The following RBFOX1 variants were observed in gnomAD, a reference collection of about 807,000 sequenced individuals.
RBFOX1 encodes the protein RNA binding protein fox-1 homolog 1.
A neutral mutation model predicts 57.7 loss-of-function variants in RBFOX1; 8 were observed. That is an observed-to-expected ratio of 0.14 (90% CI 0.08 to 0.25). The LOEUF (loss-of-function observed/expected upper bound fraction) is 0.25, where lower values mean the gene tolerates loss of function less well. Ranked by LOEUF, RBFOX1 falls within the 10% of genes least tolerant of loss-of-function variation. The pLI is 1.00. For synonymous variants in RBFOX1, 326 were observed against 222.4 expected, an observed-to-expected ratio of 1.47 and a Z score of -4.15; for missense variants, 611 against 548.5, an observed-to-expected ratio of 1.11 and a Z score of -1.14.
chr16:6,837,271 T>A (rs2093167946), intron 3 of RBFOX1, among the ~76,000 whole-genome samples: 1 of 152,230 alleles, frequency 6.6e-6, no homozygotes, highest in South Asian at 2.1e-4. Flanking sequence ...AGCGTGCTGC[T>A]AGTCTGTTCC....
At chr16:7,236,841 AG>A (rs1357575557) in intron 4 of RBFOX1, among the ~76,000 whole-genome samples, 6 of 152,170 alleles carry the variant, frequency 3.9e-5, no homozygotes, top group Non-Finnish European at 8.8e-5. Flanking sequence ...AGCAAAGACT[AG>A]GTTCACTGGA....
intron 1 of RBFOX1, among the ~76,000 whole-genome samples, chr16:6,313,628 C>G (rs1283594165): frequency 6.6e-6 from 1 of 152,120 alleles, no homozygotes; most frequent in African/African-American, 2.4e-5. Context: ...AATGCATGAA[C>G]TGAGCATTCA....
chr16:7,596,600 C>T lies in RBFOX1; in HGVS notation c.562-771C>T, dbSNP rs916810268. Among the ~76,000 whole-genome samples the T allele has an allele frequency of 5.9e-5, 9 of 151,602 alleles. No homozygotes were observed. The East Asian group carries it at 9.7e-4, about 16-fold the overall frequency. On this transcript the variant is annotated intron_variant, in intron 8 of 15. Transcript: ENST00000550418. ...TATCTATATACATATATATATATAC[C>T]ACGTGAATTTTTTTGACTTGTCGTA... is the stretch of plus-strand genomic sequence containing the variant.
chr16:7,152,822 C>T (rs1315694142), intron 4 of RBFOX1, among the ~76,000 whole-genome samples: 1 of 152,030 alleles, frequency 6.6e-6, no homozygotes, highest in Non-Finnish European at 1.5e-5. Context: ...CTAGAAGAGA[C>T]AATGGAAGGT....
At chr16:6,080,149 G>C (rs1345227732) in intron 1 of RBFOX1, among the ~76,000 whole-genome samples, 1 of 152,200 alleles carries the variant, frequency 6.6e-6, no homozygotes, top group African/African-American at 2.4e-5. Flanking sequence ...TTGATGGGGA[G>C]AGGCAAGGAG....
chr16:6,833,615 C>T (rs574904177), intron 3 of RBFOX1, among the ~76,000 whole-genome samples: 5 of 152,228 alleles, frequency 3.3e-5, no homozygotes, highest in Non-Finnish European at 7.3e-5. Context: ...GTTAAAGTTA[C>T]ATGTCACAGG....
intron 1 of RBFOX1, among the ~76,000 whole-genome samples, chr16:6,030,314 G>A (rs2095270209): frequency 6.6e-6 from 1 of 152,152 alleles, no homozygotes; most frequent in South Asian, 2.1e-4. Context: ...GTTCTGATTG[G>A]TATTTATGTA....
chr16:6,697,242 G>C (rs2061190850), intron 3 of RBFOX1, among the ~76,000 whole-genome samples: 1 of 152,094 alleles, frequency 6.6e-6, no homozygotes, highest in Admixed American at 6.6e-5. Flanking sequence ...TGCAGTAGTG[G>C]ACCAGGTTTT....
At chr16:7,249,598 C>CT (rs935873011) in intron 4 of RBFOX1, among the ~76,000 whole-genome samples, 1 of 132,378 alleles carries the variant, frequency 7.6e-6, no homozygotes, top group Non-Finnish European at 1.6e-5. Flanking sequence ...AGGCTTCTTT[C>CT]TTTAAAAAAA....
intron 4 of RBFOX1, among the ~76,000 whole-genome samples, chr16:5,943,406 G>A (rs1004911263): frequency 6.6e-6 from 1 of 152,140 alleles, no homozygotes; most frequent in Non-Finnish European, 1.5e-5. Context: ...ATACCCAGGT[G>A]CTCGTTTAAG....
At chr16:7,488,607 C>T (rs555300676) in intron 4 of RBFOX1, among the ~76,000 whole-genome samples, 3 of 152,182 alleles carry the variant, frequency 2.0e-5, no homozygotes, top group South Asian at 4.1e-4. Flanking sequence ...TACGTTCATC[C>T]GTTACACACC....
chr16:7,696,775 C>A (rs1030292117), intron 14 of RBFOX1, among the ~76,000 whole-genome samples: 1 of 152,080 alleles, frequency 6.6e-6, no homozygotes, highest in African/African-American at 2.4e-5. Flanking sequence ...AAGTAAGGTG[C>A]AATGCTATTT....
At chr16:6,894,970 C>G (rs543327440) in intron 3 of RBFOX1, among the ~76,000 whole-genome samples, 1 of 152,230 alleles carries the variant, frequency 6.6e-6, no homozygotes, top group African/African-American at 2.4e-5. Context: ...ATACACCCTT[C>G]CAGAACTAAC....
At chr16:7,076,311 C>T (rs1236872427) in intron 4 of RBFOX1, among the ~76,000 whole-genome samples, 1 of 152,018 alleles carries the variant, frequency 6.6e-6, no homozygotes, top group African/African-American at 2.4e-5. Flanking sequence ...GGATTTCAGG[C>T]GTGAACCACC....
At chr16:7,660,276 C>A (rs6501008) in intron 12 of RBFOX1, among the ~76,000 whole-genome samples, 3 of 152,220 alleles carry the variant, frequency 2.0e-5, no homozygotes, top group African/African-American at 7.2e-5. Context: ...TGCAAAAGCA[C>A]ATTGAGTCCC....
intron 1 of RBFOX1, among the ~76,000 whole-genome samples, chr16:5,454,927 C>CCTTTG (rs1567535530): frequency 8.1e-5 from 3 of 37,002 alleles, no homozygotes; most frequent in African/African-American, 3.0e-4. Context: ...TTGTTTCTTT[C>CCTTTG]TTCCTTCCTT....
chr16:5,535,638 T>G (rs944609680), intron 2 of RBFOX1, among the ~76,000 whole-genome samples: 7 of 152,328 alleles, frequency 4.6e-5, no homozygotes, highest in Middle Eastern at 3.4e-3. Context: ...AGCCTGTGTT[T>G]TGCAACTGAT....
chr16:5,360,682 T>G (rs1376662078), intron 1 of RBFOX1, among the ~76,000 whole-genome samples: 3 of 152,208 alleles, frequency 2.0e-5, no homozygotes, highest in African/African-American at 7.2e-5. Context: ...GAGGGCTTAT[T>G]GTAAGGACGT....
chr16:5,863,872 A>G (rs1277412303), intron 3 of RBFOX1, among the ~76,000 whole-genome samples: 1 of 152,154 alleles, frequency 6.6e-6, no homozygotes, highest in Non-Finnish European at 1.5e-5. Flanking sequence ...AATAGCCAAC[A>G]TTTCCACAAG....
Sources: gnomAD v4.1 joint callset for allele counts (sites outside exome capture counted in the v4.1 genomes callset) on GRCh38, gnomAD v4.1.1 for gene constraint, MANE v1.5 for transcripts, NCBI Gene and HGNC (gene_info 2026-07-23, HGNC 2026-07-21) for gene names.